USP28: variants seen among roughly 807,000 people sequenced by gnomAD.
USP28 encodes ubiquitin carboxyl-terminal hydrolase 28.
Under a neutral mutation model 145.0 loss-of-function variants are expected in USP28, and 113 were observed. The ratio of observed to expected loss-of-function variants is 0.78; its 90% CI spans 0.67 to 0.91. The LOEUF is 0.91. Ranked by LOEUF, USP28 falls within the 40% of genes least tolerant of loss-of-function variation. The pLI is 0.00. For synonymous variants in USP28, 447 were observed against 450.9 expected (o/e 0.99, Z 0.11); for missense variants, 1,201 against 1,289.6 (o/e 0.93, Z 1.05).
intron 12 of USP28, among the ~76,000 whole-genome samples, chr11:113,819,970 C>T (rs1034822907): frequency 3.9e-5 from 6 of 152,098 alleles, no homozygotes; most frequent in Admixed American, 3.9e-4. Context: ...CCACCGCGCC[C>T]GGCCAGACTA....
rs533385658 is a variant in USP28 at position 113,870,453 on chromosome 11, G to A, written c.57+4992C>T. ...GAGGTGGGAGGATCGCTTGAGCCTAGGAGGTCAAGGCCAAAGTGAGCTATA... is the reference window on the plus strand; with the variant it reads ...GAGGTGGGAGGATCGCTTGAGCCTAAGAGGTCAAGGCCAAAGTGAGCTATA... On this transcript the variant is annotated intron_variant, in intron 1 of 24. Transcript: ENST00000003302. 4.6e-5 allele frequency among the ~76,000 whole-genome samples: 7 copies of A among 152,356 alleles called. No homozygotes were observed. The East Asian group carries it at 1.4e-3, about 29-fold the overall frequency.
rs1946700028 is a variant in USP28, at chr11:113,853,398, A to C, written c.136-765T>G. 2.6e-5 allele frequency among the ~76,000 whole-genome samples: 4 copies of C among 152,036 alleles called. No individual in the cohort carries two copies. In the South Asian group the frequency reaches 8.3e-4, roughly 32 times the overall value. On this transcript the variant is annotated intron_variant, in intron 2 of 24. Transcript: ENST00000003302. The stretch of plus-strand genomic sequence containing the variant: ...AATGTTTTATGAGGAAACATTTCTA[A>C]CATATATACCAGGAAAGGGAATAAC...
At chr11:113,872,715 C>G (rs1178594307) in intron 1 of USP28, among the ~76,000 whole-genome samples, 1 of 152,176 alleles carries the variant, frequency 6.6e-6, no homozygotes, top group African/African-American at 2.4e-5. Context: ...CTCAGTACAG[C>G]TGCCAAGAAT....
intron 3 of USP28, among the ~76,000 whole-genome samples, chr11:113,851,682 G>C (rs1184133563): frequency 1.3e-5 from 2 of 151,850 alleles, no homozygotes; most frequent in African/African-American, 2.4e-5. Context: ...TGTAATCCCA[G>C]CTACTCAGGA....
At chr11:113,811,756 A>G (rs1226427216) in intron 16 of USP28, among the ~76,000 whole-genome samples, 1 of 152,186 alleles carries the variant, frequency 6.6e-6, no homozygotes, top group African/African-American at 2.4e-5. Flanking sequence ...TATCAGCACC[A>G]TAAGATGGGG....
rs766332558 is a variant in USP28 at position 113,875,517 on chromosome 11, C to G, written c.-16G>C. ...CCGCAGTCATGGCCGAGGCGCCCAG[C>G]CGCGGGTCACCGGTCTCCCGCCGCA... On this transcript the variant is annotated 5_prime_UTR_variant, in exon 1 of 25. Transcript: ENST00000003302. The G allele has an allele frequency of 4.3e-6, 5 of 1,157,500 alleles. No homozygotes were observed. In the South Asian group the frequency reaches 1.9e-4, roughly 45 times the overall value. The allele number at this position is 1,157,500 out of a possible 1,614,324, so 71.7% of individuals were successfully genotyped here.
chr11:113,817,445 T>C (rs1941902592), intron 13 of USP28, among the ~76,000 whole-genome samples: 1 of 152,138 alleles, frequency 6.6e-6, no homozygotes, highest in African/African-American at 2.4e-5. Flanking sequence ...GAGAAGCCTC[T>C]GAAATAACCC....
At chr11:113,801,262 G>A (rs1320722910) in intron 24 of USP28, among the ~76,000 whole-genome samples, 2 of 152,192 alleles carry the variant, frequency 1.3e-5, no homozygotes, top group East Asian at 1.9e-4. Context: ...GTTGCCCATG[G>A]AGGTGATTTG....
At chr11:113,817,403 G>C (rs2135533881) in intron 13 of USP28, among the ~76,000 whole-genome samples, 1 of 152,292 alleles carries the variant, frequency 6.6e-6, no homozygotes, top group East Asian at 1.9e-4. Context: ...AGGCATCACT[G>C]GGTGGAGCCT....
chr11:113,799,565 C>T, intron 24 of USP28, 150 bp from the exon 26 acceptor site: 5 of 920,566 alleles, frequency 5.4e-6, no homozygotes, highest in Non-Finnish European at 7.7e-6. Flanking sequence ...TCAGGCCAAA[C>T]CAGGAGCAAA....
intron 1 of USP28, among the ~76,000 whole-genome samples, chr11:113,870,667 G>C (rs151246722): frequency 6.8e-4 from 103 of 152,282 alleles, no homozygotes; most frequent in Non-Finnish European, 1.4e-3. Flanking sequence ...TGGTCCACAC[G>C]GCCATCTCAT....
chr11:113,850,029 T>C (rs936361296), intron 3 of USP28, among the ~76,000 whole-genome samples: 5 of 152,206 alleles, frequency 3.3e-5, no homozygotes, highest in African/African-American at 1.2e-4. Flanking sequence ...ATTAACCTAA[T>C]GTTTTTATTA....
At chr11:113,806,346 A>C in intron 19 of USP28, 143 bp downstream of exon 20, 1 of 641,862 alleles carries the variant, frequency 1.6e-6, no homozygotes, top group East Asian at 3.0e-5. Context: ...GTGAGCCTCT[A>C]CTTCAGCTTC....
exon 13 of USP28, chr11:113,817,776 T>A: frequency 6.2e-7 from 1 of 1,614,158 alleles, no homozygotes; most frequent in Non-Finnish European, 8.5e-7. Context: ...GCAAATTCAA[T>A]AACATATTTC....
At chr11:113,852,448 T>C in intron 3 of USP28, 53 bp downstream of exon 3, 2 of 1,607,946 alleles carry the variant, frequency 1.2e-6, no homozygotes, top group Non-Finnish European at 1.7e-6. Context: ...ATACTTGGTT[T>C]GTTATTTTCT....
intron 24 of USP28, among the ~76,000 whole-genome samples, chr11:113,800,049 A>G (rs1345715719): frequency 6.6e-6 from 1 of 151,834 alleles, no homozygotes. Flanking sequence ...TCTGTCGCCC[A>G]GGCTGGAGTG....
intron 1 of USP28, among the ~76,000 whole-genome samples, chr11:113,855,257 C>A (rs1946922515): frequency 6.6e-6 from 1 of 151,328 alleles, no homozygotes; most frequent in Admixed American, 6.6e-5. Context: ...AATCAGTTTA[C>A]AACCCCTTCA....
At position 113,809,044 on chromosome 11, in the gene USP28, T is replaced by C. The variant is rs1434308359; in HGVS notation, c.2164+19A>G. The C allele has an allele frequency of 1.2e-6, 2 of 1,607,604 alleles. No homozygotes were observed. Among genetic ancestry groups the C allele is most frequent in the Non-Finnish European group, 1.7e-6 (2 of 1,176,766 alleles). On this transcript the variant is annotated intron_variant, in intron 17 of 24. Transcript: ENST00000003302. ...ATGAGATGTTACTGGATCACTGGCA[T>C]AAATGCCTTCTCAGATACCTTGTGA...
chr11:113,824,856 G>A (rs375748512), intron 11 of USP28, among the ~76,000 whole-genome samples: 61 of 151,240 alleles, frequency 4.0e-4, no homozygotes, highest in African/African-American at 1.4e-3. Context: ...ATTTGAACCC[G>A]GGAGGCAGAG....
Sources: gnomAD v4.1 joint callset for allele counts (sites outside exome capture counted in the v4.1 genomes callset) on GRCh38, gnomAD v4.1.1 for gene constraint, MANE v1.5 for transcripts, NCBI Gene and HGNC (gene_info 2026-07-23, HGNC 2026-07-21) for gene names.